The following FSTL4 variants were observed in gnomAD, a reference collection of about 807,000 sequenced individuals.
The protein encoded by FSTL4 is follistatin like 4.
Under a neutral mutation model 78.2 loss-of-function variants are expected in FSTL4, and 28 were observed. The observed-to-expected ratio is 0.36, with a 90% CI of 0.27 to 0.49. The LOEUF (loss-of-function observed/expected upper bound fraction) is 0.49, where lower values mean the gene tolerates loss of function less well. FSTL4 is among the 20% of genes least tolerant of loss of function. The pLI is 0.98. For missense variants in FSTL4, 922 were observed against 1,084.9 expected (o/e 0.85, Z 2.11); for synonymous variants, 422 against 440.5 (o/e 0.96, Z 0.53).
At chr5:133,281,003 G>C (rs1439208821) in intron 6 of FSTL4, among the ~76,000 whole-genome samples, 1 of 152,190 alleles carries the variant, frequency 6.6e-6, no homozygotes, top group Non-Finnish European at 1.5e-5. Context: ...AACCACATCT[G>C]GCTTTGCTTA....
the FSTL4 span, among the ~76,000 whole-genome samples, chr5:133,718,195 C>A: frequency 6.6e-6 from 1 of 152,114 alleles, no homozygotes; most frequent in African/African-American, 2.4e-5. Context: ...CGGGTTCAAG[C>A]GATTCTCTTG....
In FSTL4 at chr5:133,263,785, G is replaced by A. The variant is rs139272169; in HGVS notation, c.728-14209C>T. On this transcript the variant is annotated intron_variant, in intron 6 of 15. Coordinates refer to ENST00000265342, the MANE Select transcript of FSTL4 (RefSeq NM_015082.2). The stretch of plus-strand genomic sequence containing the variant: ...GCTAATGGGAGTGATTGGATAGAGA[G>A]GGAGAATTGTATGCTACAAGAGAGA... Among the ~76,000 whole-genome samples, 659 of 152,240 alleles carry A rather than the reference G, an allele frequency of 4.3e-3. 2 individuals are homozygous for A. The highest frequency in any genetic ancestry group is 0.015 in the African/African-American group (630 of 41,518).
intron 3 of FSTL4, among the ~76,000 whole-genome samples, chr5:133,486,082 C>A (rs976996590): frequency 6.6e-6 from 1 of 152,054 alleles, no homozygotes; most frequent in Non-Finnish European, 1.5e-5. Flanking sequence ...GGCCTTCATG[C>A]GACCATCGGT....
At chr5:133,668,641 G>A in the FSTL4 span, among the ~76,000 whole-genome samples, 14 of 152,198 alleles carry the variant, frequency 9.2e-5, no homozygotes, top group Non-Finnish European at 1.9e-4. Context: ...ACATGACCTT[G>A]CTAGTAGCCA....
At chr5:133,371,698 G>A (rs772432133) in intron 4 of FSTL4, among the ~76,000 whole-genome samples, 6 of 152,246 alleles carry the variant, frequency 3.9e-5, no homozygotes, top group Non-Finnish European at 8.8e-5. Context: ...CTTTTGAAGT[G>A]TGAAAAAAGA....
chr5:133,749,630 C>T, the FSTL4 span, among the ~76,000 whole-genome samples: 1 of 152,222 alleles, frequency 6.6e-6, no homozygotes, highest in African/African-American at 2.4e-5. Flanking sequence ...TTTCCAAAGC[C>T]TCCCACACCC....
At chr5:133,261,896 G>A (rs2126836248) in intron 6 of FSTL4, among the ~76,000 whole-genome samples, 1 of 152,056 alleles carries the variant, frequency 6.6e-6, no homozygotes, top group East Asian at 1.9e-4. Flanking sequence ...GGAGGCTGAG[G>A]TGGGAGAATT....
chr5:133,515,780 G>A (rs753715828), intron 3 of FSTL4, among the ~76,000 whole-genome samples: 2 of 151,750 alleles, frequency 1.3e-5, no homozygotes, highest in Non-Finnish European at 2.9e-5. Context: ...AGAAATATTT[G>A]TTGGCAAAGT....
the FSTL4 span, among the ~76,000 whole-genome samples, chr5:133,802,865 C>T: frequency 6.1e-4 from 93 of 152,356 alleles, no homozygotes; most frequent in Non-Finnish European, 1.0e-3. Context: ...TCTCCCCAAA[C>T]ACAGTAACTG....
chr5:133,627,431 G>T, the FSTL4 span, among the ~76,000 whole-genome samples: 1 of 152,120 alleles, frequency 6.6e-6, no homozygotes, highest in Non-Finnish European at 1.5e-5. Context: ...CAGTATGGGG[G>T]AGATCACTTT....
rs528030104 is a variant in FSTL4, at chr5:133,290,172, C to T, written c.727+22482G>A. On this transcript the variant is annotated intron_variant, in intron 6 of 15. Transcript: ENST00000265342. ...GCAGCCTGATGATTAATTACTGTGT[C>T]TTGCCATCCAGGACTGTGAGGAGGA... Among the ~76,000 whole-genome samples, 21 of 152,336 alleles carry T rather than the reference C, an allele frequency of 1.4e-4. No homozygotes were observed. In the East Asian group the frequency reaches 3.9e-3, roughly 28 times the overall value.
At chr5:133,574,471 T>C (rs1760231433) in intron 2 of FSTL4, among the ~76,000 whole-genome samples, 1 of 152,258 alleles carries the variant, frequency 6.6e-6, no homozygotes, top group South Asian at 2.1e-4. Flanking sequence ...CTCTTAACTA[T>C]TGCAGTGTTT....
At chr5:133,734,181 A>C in the FSTL4 span, among the ~76,000 whole-genome samples, 1 of 152,034 alleles carries the variant, frequency 6.6e-6, no homozygotes, top group Non-Finnish European at 1.5e-5. Context: ...GTGTCCAAAA[A>C]TGTGAGAACA....
intron 4 of FSTL4, among the ~76,000 whole-genome samples, chr5:133,331,185 G>A (rs546237655): frequency 6.6e-6 from 1 of 152,188 alleles, no homozygotes; most frequent in South Asian, 2.1e-4. Context: ...GCTCTCTCCT[G>A]TCTCTGTTCT....
At chr5:133,628,554 T>G in the FSTL4 span, among the ~76,000 whole-genome samples, 2 of 151,974 alleles carry the variant, frequency 1.3e-5, no homozygotes, top group Non-Finnish European at 2.9e-5. Flanking sequence ...GAGACAGAGT[T>G]TCTCCATTTT....
At chr5:133,436,766 C>T (rs1002845216) in intron 3 of FSTL4, among the ~76,000 whole-genome samples, 1 of 151,968 alleles carries the variant, frequency 6.6e-6, no homozygotes, top group African/African-American at 2.4e-5. Flanking sequence ...TATCAGCACA[C>T]CACTGATTGA....
At chr5:133,453,325 G>A (rs1757418810) in intron 3 of FSTL4, among the ~76,000 whole-genome samples, 1 of 152,098 alleles carries the variant, frequency 6.6e-6, no homozygotes, top group African/African-American at 2.4e-5. Context: ...TATGACATCT[G>A]AGTGTACACA....
the FSTL4 span, among the ~76,000 whole-genome samples, chr5:133,804,091 C>T: frequency 3.9e-5 from 6 of 152,292 alleles, no homozygotes; most frequent in South Asian, 1.2e-3. Context: ...TTTGCTTCCC[C>T]CATCCCACCT....
At chr5:133,402,802 A>G (rs552004253) in intron 3 of FSTL4, among the ~76,000 whole-genome samples, 4 of 152,240 alleles carry the variant, frequency 2.6e-5, no homozygotes, top group Non-Finnish European at 4.4e-5. Flanking sequence ...TCTGAGCAGT[A>G]TAAAAGTGCA....
Sources: allele counts gnomAD v4.1 joint callset (sites outside exome capture counted in the v4.1 genomes callset), GRCh38; gene constraint gnomAD v4.1.1; transcripts MANE v1.5; gene names NCBI Gene and HGNC (gene_info 2026-07-23, HGNC 2026-07-21).